The following POU6F2 variants were observed in gnomAD, a reference collection of about 807,000 sequenced individuals.
POU6F2 encodes the protein POU class 6 homeobox 2.
A neutral mutation model predicts 71.3 loss-of-function variants in POU6F2; 31 were observed. The observed-to-expected ratio is 0.43, with a 90% CI of 0.33 to 0.59. The LOEUF (loss-of-function observed/expected upper bound fraction) is 0.59. Ranked by LOEUF, POU6F2 falls within the 20% of genes least tolerant of loss-of-function variation. The probability of loss-of-function intolerance (pLI) is 0.04; values close to 1 mark genes in which losing one functional copy is unlikely to be tolerated. For synonymous variants in POU6F2, 347 were observed against 355.7 expected, an observed-to-expected ratio of 0.98 and a Z score of 0.27; for missense variants, 783 against 856.8, an observed-to-expected ratio of 0.91 and a Z score of 1.07.
intron 8 of POU6F2, among the ~76,000 whole-genome samples, chr7:39,452,056 C>CA: frequency 6.6e-6 from 1 of 152,320 alleles, no homozygotes; most frequent in Non-Finnish European, 1.5e-5. Context: ...TAACCAACAA[C>CA]AGGCACTCAG....
chr7:39,034,087 G>A (rs935604832), intron 1 of POU6F2, among the ~76,000 whole-genome samples: 23 of 152,290 alleles, frequency 1.5e-4, no homozygotes, highest in Non-Finnish European at 3.1e-4. Flanking sequence ...CTAAGCAGCC[G>A]ACATGTTATA....
At chr7:39,254,442 C>T (rs1170573199) in intron 4 of POU6F2, among the ~76,000 whole-genome samples, 2 of 152,018 alleles carry the variant, frequency 1.3e-5, no homozygotes, top group Admixed American at 6.6e-5. Flanking sequence ...TAAGCTGCTT[C>T]AAGAAAGAGG....
At chr7:39,017,632 T>C (rs1343525630) in intron 1 of POU6F2, among the ~76,000 whole-genome samples, 3 of 152,118 alleles carry the variant, frequency 2.0e-5, no homozygotes, top group Non-Finnish European at 4.4e-5. Flanking sequence ...CCTCATCTAC[T>C]ACAAGCCCCC....
intron 2 of POU6F2, among the ~76,000 whole-genome samples, chr7:39,161,602 A>G (rs973447913): frequency 2.6e-5 from 4 of 152,156 alleles, no homozygotes; most frequent in African/African-American, 7.2e-5. Context: ...GGAACGGCCC[A>G]TGTAAACTGA....
chr7:39,448,789 A>C (rs1788584941), intron 7 of POU6F2, among the ~76,000 whole-genome samples: 1 of 152,246 alleles, frequency 6.6e-6, no homozygotes, highest in East Asian at 1.9e-4. Flanking sequence ...AACCGAAGAC[A>C]ATCTAATGAT....
rs1162516534 is a variant in POU6F2 at position 39,202,164 on chromosome 7, G to T, written c.278-2071G>T. Among the ~76,000 whole-genome samples, 3 of 152,308 alleles carry T rather than the reference G, an allele frequency of 2.0e-5. No individual in the cohort carries two copies. The South Asian group carries it at 6.2e-4, about 32-fold the overall frequency. On this transcript the variant is annotated intron_variant, in intron 2 of 9. Coordinates refer to ENST00000518318, the MANE Select transcript of POU6F2 (RefSeq NM_001370959.1). ...GAATAAATGTAAGCAAATGTAATCTGTGTAAAGTTGAGGGGAACAAATGCA... is the reference window on the plus strand; with the variant it reads ...GAATAAATGTAAGCAAATGTAATCTTTGTAAAGTTGAGGGGAACAAATGCA...
At chr7:39,139,062 T>C (rs1169548272) in intron 2 of POU6F2, among the ~76,000 whole-genome samples, 15 of 152,150 alleles carry the variant, frequency 9.9e-5, no homozygotes, top group Admixed American at 9.8e-4. Context: ...GTTGTCACCC[T>C]CTTGAGCTTT....
At chr7:39,129,509 G>T (rs1172502590) in intron 2 of POU6F2, among the ~76,000 whole-genome samples, 1 of 152,084 alleles carries the variant, frequency 6.6e-6, no homozygotes, top group African/African-American at 2.4e-5. Flanking sequence ...TTAATTTTGA[G>T]ATGATGGGCA....
Position 39,219,783 on chromosome 7 carries a change from A to G in POU6F2, c.598+12163A>G, listed in dbSNP as rs143693461. 3.6e-3 allele frequency among the ~76,000 whole-genome samples: 544 copies of G among 152,352 alleles called. 3 individuals carry two copies. The highest frequency in any genetic ancestry group is 0.012 in the African/African-American group (508 of 41,596). ...ACTGGATTAGGATTAGCGCAAATATACAGGTCCATTAACACATTTTTATGC... is the reference window on the plus strand; with the variant it reads ...ACTGGATTAGGATTAGCGCAAATATGCAGGTCCATTAACACATTTTTATGC... On this transcript the variant is annotated intron_variant, in intron 4 of 9. Coordinates refer to ENST00000518318, the MANE Select transcript of POU6F2 (RefSeq NM_001370959.1).
intron 2 of POU6F2, among the ~76,000 whole-genome samples, chr7:39,102,385 T>C (rs1791593123): frequency 6.6e-6 from 1 of 152,198 alleles, no homozygotes; most frequent in African/African-American, 2.4e-5. Context: ...ATTTCCACTG[T>C]TTGCCTAGTA....
intron 1 of POU6F2, among the ~76,000 whole-genome samples, chr7:38,985,723 C>T (rs556621319): frequency 1.3e-5 from 2 of 152,142 alleles, no homozygotes; most frequent in South Asian, 4.1e-4. Flanking sequence ...TATTCATTTT[C>T]TCTGTTTCAA....
intron 1 of POU6F2, among the ~76,000 whole-genome samples, chr7:39,002,604 C>T (rs1788946066): frequency 6.6e-6 from 1 of 152,222 alleles, no homozygotes; most frequent in Non-Finnish European, 1.5e-5. Context: ...ACCTCAGCCT[C>T]CCAAAGTGCT....
intron 6 of POU6F2, among the ~76,000 whole-genome samples, chr7:39,425,055 G>A (rs570488828): frequency 5.9e-5 from 9 of 152,174 alleles, no homozygotes; most frequent in Admixed American, 3.3e-4. Context: ...TTTCCTCTAC[G>A]AGGTTTGCTG....
At chr7:39,281,514 A>C (rs1784562811) in intron 4 of POU6F2, among the ~76,000 whole-genome samples, 1 of 151,982 alleles carries the variant, frequency 6.6e-6, no homozygotes, top group African/African-American at 2.4e-5. Flanking sequence ...CTATGAGATC[A>C]ACTTTTTTAG....
chr7:39,212,202 A>G (rs1794154700), intron 4 of POU6F2, among the ~76,000 whole-genome samples: 1 of 152,228 alleles, frequency 6.6e-6, no homozygotes, highest in African/African-American at 2.4e-5. Context: ...GGTATGGAAC[A>G]TGGACAAGCG....
chr7:39,254,056 A>T (rs772111113), intron 4 of POU6F2, among the ~76,000 whole-genome samples: 3 of 152,164 alleles, frequency 2.0e-5, no homozygotes, highest in Non-Finnish European at 4.4e-5. Flanking sequence ...GTCATTGCAC[A>T]TGCTACCTCG....
intron 6 of POU6F2, among the ~76,000 whole-genome samples, chr7:39,427,919 T>C (rs565551414): frequency 1.3e-5 from 2 of 152,314 alleles, no homozygotes; most frequent in East Asian, 3.9e-4. Context: ...GCTGATGACA[T>C]GAACCCATCA....
At chr7:39,391,730 G>A (rs1224436037) in intron 5 of POU6F2, among the ~76,000 whole-genome samples, 1 of 152,170 alleles carries the variant, frequency 6.6e-6, no homozygotes, top group African/African-American at 2.4e-5. Flanking sequence ...CAGTACACAG[G>A]CAAAACTGCT....
intron 1 of POU6F2, among the ~76,000 whole-genome samples, chr7:39,073,818 A>G (rs1057180212): frequency 1.3e-5 from 2 of 152,340 alleles, no homozygotes; most frequent in South Asian, 4.1e-4. Context: ...GAGGGAAGGA[A>G]AACACTTATT....
Sources: gnomAD v4.1 joint callset for allele counts (sites outside exome capture counted in the v4.1 genomes callset) on GRCh38, gnomAD v4.1.1 for gene constraint, MANE v1.5 for transcripts, NCBI Gene and HGNC (gene_info 2026-07-23, HGNC 2026-07-21) for gene names.